Variants in UBE3D observed in about 807,000 individuals in gnomAD.
The protein encoded by UBE3D is ubiquitin protein ligase E3D.
Under a neutral mutation model 49.6 loss-of-function variants are expected in UBE3D, and 48 were observed. The ratio of observed to expected loss-of-function variants is 0.97; its 90% CI spans 0.77 to 1.23. The LOEUF is 1.23. UBE3D is among the 50% of genes most tolerant of loss of function. The probability of loss-of-function intolerance (pLI) is 0.00; values close to 1 mark genes in which losing one functional copy is unlikely to be tolerated. For synonymous variants in UBE3D, 189 were observed against 174.2 expected, an observed-to-expected ratio of 1.08 and a Z score of -0.67; for missense variants, 452 against 468.4, an observed-to-expected ratio of 0.96 and a Z score of 0.32.
downstream of UBE3D, among the ~76,000 whole-genome samples, chr6:82,889,786 T>C (rs1457680345): frequency 2.6e-5 from 4 of 152,062 alleles, no homozygotes; most frequent in Non-Finnish European, 4.4e-5. Context: ...TTATTATCTC[T>C]ATCTGCAGTA....
chr6:82,886,242 A>G, the UBE3D span, among the ~76,000 whole-genome samples: 14,770 of 152,102 alleles, frequency 0.097, 1,171 homozygotes, highest in African/African-American at 0.21. Context: ...GTGGAAGACA[A>G]TTTTTCCATG....
chr6:83,059,436 C>T (rs1330612295), intron 1 of UBE3D, among the ~76,000 whole-genome samples: 3 of 152,148 alleles, frequency 2.0e-5, no homozygotes, highest in Admixed American at 6.5e-5. Flanking sequence ...CAGGCTGTAC[C>T]AAAACAGGCT....
intron 9 of UBE3D, among the ~76,000 whole-genome samples, chr6:82,938,021 A>G (rs954929882): frequency 1.3e-5 from 2 of 152,160 alleles, no homozygotes; most frequent in Non-Finnish European, 2.9e-5. Context: ...ACCCTATGTA[A>G]TCTGACTTTA....
intron 8 of UBE3D, among the ~76,000 whole-genome samples, chr6:83,007,676 G>A (rs986783773): frequency 6.6e-6 from 1 of 152,218 alleles, no homozygotes; most frequent in Non-Finnish European, 1.5e-5. Context: ...CGGGTACGGT[G>A]GCTCATGCCT....
At chr6:83,018,886 G>A (rs1395846331) in intron 8 of UBE3D, 87 bp downstream of exon 8, 1 of 1,467,028 alleles carries the variant, frequency 6.8e-7, no homozygotes, top group Non-Finnish European at 9.4e-7. Context: ...ATGGTATAGT[G>A]GCATTTAATT....
At position 82,952,987 on chromosome 6, in the gene UBE3D, T is replaced by G. The variant is rs567625109; in HGVS notation, c.1149+4325A>C. Among the ~76,000 whole-genome samples the G allele has an allele frequency of 7.2e-5, 11 of 152,346 alleles. No homozygotes were observed. The East Asian group carries it at 2.1e-3, about 29-fold the overall frequency. On this transcript the variant is annotated intron_variant, in intron 9 of 9. Coordinates refer to ENST00000369747, the MANE Select transcript of UBE3D (RefSeq NM_198920.3). ...CCAGTCCTGGTTCCAACCTGATTGC[T>G]TTTAAGGTTCTACCTTCCAGACATC...
At chr6:82,989,436 C>T (rs1008869074) in intron 8 of UBE3D, among the ~76,000 whole-genome samples, 1 of 152,062 alleles carries the variant, frequency 6.6e-6, no homozygotes, top group South Asian at 2.1e-4. Flanking sequence ...TTTTATGCAA[C>T]AAGAGTGCCA....
Position 82,912,485 on chromosome 6 carries a change from A to G in UBE3D, c.1150-19443T>C, listed in dbSNP as rs1351270231. Reference sequence around the variant, plus strand: ...CAAGGCTTTGTCACAGAACAGGTACAATCATTACAATGTAAAATTAGTCTT... The same window carrying G: ...CAAGGCTTTGTCACAGAACAGGTACGATCATTACAATGTAAAATTAGTCTT... On this transcript the variant is annotated intron_variant, in intron 9 of 9. Coordinates refer to ENST00000369747, the MANE Select transcript of UBE3D (RefSeq NM_198920.3). Among the ~76,000 whole-genome samples the G allele has an allele frequency of 2.6e-5, 4 of 152,102 alleles. No homozygotes were observed. The East Asian group carries it at 7.7e-4, about 29-fold the overall frequency.
At chr6:83,038,329 A>G in intron 5 of UBE3D, 87 bp downstream of exon 5, 3 of 1,078,744 alleles carry the variant, frequency 2.8e-6, no homozygotes, top group Non-Finnish European at 4.1e-6. Context: ...TTAATCATCT[A>G]TCTTTCCTAT....
rs55730929 is a variant in UBE3D at position 82,987,648 on chromosome 6, C to T, written c.1011-30198G>A. 3.4e-4 allele frequency among the ~76,000 whole-genome samples: 52 copies of T among 152,210 alleles called. No homozygotes were observed. The South Asian group carries it at 8.9e-3, about 26-fold the overall frequency. ...CTAGTGTGGGTGTAAATTCATATAG[C>T]GACTTTGGAAAGCTGTTTGGAATTA... On this transcript the variant is annotated intron_variant, in intron 8 of 9. Transcript: ENST00000369747.
intron 8 of UBE3D, among the ~76,000 whole-genome samples, chr6:82,971,277 C>T (rs1211350715): frequency 6.6e-6 from 1 of 152,062 alleles, no homozygotes; most frequent in Non-Finnish European, 1.5e-5. Flanking sequence ...TGTTCTATTA[C>T]ATTACCAGAG....
At chr6:82,997,387 G>A (rs10943922) in intron 8 of UBE3D, among the ~76,000 whole-genome samples, 26,870 of 152,048 alleles carry the variant, frequency 0.18, 2,544 homozygotes, top group African/African-American at 0.24. Flanking sequence ...ATAAATTGCA[G>A]AAGGACACTA....
intron 9 of UBE3D, among the ~76,000 whole-genome samples, chr6:82,916,100 T>C (rs954891644): frequency 5.9e-5 from 9 of 152,230 alleles, no homozygotes; most frequent in Admixed American, 6.5e-5. Context: ...ATTCATTGAC[T>C]TTATCATTAC....
intron 8 of UBE3D, chr6:83,018,445 CA>C (rs1780845137): frequency 6.6e-6 from 1 of 152,334 alleles, no homozygotes; most frequent in African/African-American, 2.4e-5. Flanking sequence ...GATTTACTAC[CA>C]GTGTCTTAGT....
At position 83,057,907 on chromosome 6, in the gene UBE3D, G is replaced by T; in HGVS notation, c.193C>A (p.Pro65Thr). 6.2e-7 allele frequency: 1 copy of T among 1,614,150 alleles called. No homozygotes were observed. ...AACTGTAGCCCACGGCAAGAGGAAG[G>T]TACAAGCCTGACCTCTGCTGGAAGC... ...IQLPAEVRLV[P>T]SSCRGLQFVV... is the part of the protein sequence containing the mutation. The change falls in exon 2 of 10, where the codon CCT (proline) becomes ACT (threonine). Residue 65 changes from proline (P) to threonine (T), a missense_variant. Transcript: ENST00000369747.
At chr6:82,967,073 A>T (rs768626931) in intron 8 of UBE3D, among the ~76,000 whole-genome samples, 4 of 151,892 alleles carry the variant, frequency 2.6e-5, no homozygotes, top group Non-Finnish European at 5.9e-5. Context: ...GCCCCACATG[A>T]TTTACTCTGT....
intron 8 of UBE3D, among the ~76,000 whole-genome samples, chr6:82,977,918 C>T (rs535608674): frequency 6.6e-6 from 1 of 152,268 alleles, no homozygotes; most frequent in African/African-American, 2.4e-5. Context: ...CTCATCAAAC[C>T]TGAACATACC....
At chr6:82,882,958 T>C in the UBE3D span, among the ~76,000 whole-genome samples, 1 of 152,172 alleles carries the variant, frequency 6.6e-6, no homozygotes, top group Non-Finnish European at 1.5e-5. Context: ...TTTCTGTGTC[T>C]GTCATCTTTG....
intron 8 of UBE3D, among the ~76,000 whole-genome samples, chr6:82,997,564 A>G (rs912115922): frequency 6.6e-6 from 1 of 151,986 alleles, no homozygotes; most frequent in African/African-American, 2.4e-5. Context: ...CTAAAAATAC[A>G]AAAAATTAGC....
Sources: allele counts gnomAD v4.1 joint callset (sites outside exome capture counted in the v4.1 genomes callset), GRCh38; gene constraint gnomAD v4.1.1; transcripts MANE v1.5; gene names NCBI Gene and HGNC (gene_info 2026-07-23, HGNC 2026-07-21).